The following SHISA9 variants were observed in gnomAD, a reference collection of about 807,000 sequenced individuals.
SHISA9 encodes shisa family member 9.
Under a neutral mutation model 38.0 loss-of-function variants are expected in SHISA9, and 13 were observed. The ratio of observed to expected loss-of-function variants is 0.34; its 90% CI spans 0.22 to 0.54. The LOEUF (loss-of-function observed/expected upper bound fraction) is 0.54. SHISA9 is among the 20% of genes least tolerant of loss of function. The pLI is 0.91. For synonymous variants in SHISA9, 275 were observed against 242.0 expected, an observed-to-expected ratio of 1.14 and a Z score of -1.27; for missense variants, 538 against 575.8, an observed-to-expected ratio of 0.93 and a Z score of 0.67.
At chr16:13,392,978 G>T in the SHISA9 span, among the ~76,000 whole-genome samples, 1 of 152,190 alleles carries the variant, frequency 6.6e-6, no homozygotes, top group Non-Finnish European at 1.5e-5. Context: ...AGCGAAACAG[G>T]TCGTGGTACC....
intron 2 of SHISA9, among the ~76,000 whole-genome samples, chr16:13,023,980 T>A (rs35040878): frequency 1.1e-4 from 16 of 152,154 alleles, no homozygotes; most frequent in African/African-American, 3.9e-4. Flanking sequence ...CACCTACAAC[T>A]CTGGGAACAG....
chr16:13,178,472 C>A (rs920748218), intron 2 of SHISA9, among the ~76,000 whole-genome samples: 1 of 152,148 alleles, frequency 6.6e-6, no homozygotes, highest in Admixed American at 6.5e-5. Flanking sequence ...AATCACTCTC[C>A]AAGCTCCCGA....
rs148132457 is a variant in SHISA9, at chr16:13,157,594, G to A, written c.692-45800G>A. 2.0e-5 allele frequency among the ~76,000 whole-genome samples: 3 copies of A among 152,346 alleles called. No homozygotes were observed. In the East Asian group the frequency reaches 5.8e-4, roughly 29 times the overall value. ...GGATGTGGTACATATTCAGTGTTAT[G>A]TGTTGTGACTAAAATTGCTATTGCT... On this transcript the variant is annotated intron_variant, in intron 2 of 4. Transcript: ENST00000558583.
At chr16:13,320,348 G>A in the SHISA9 span, among the ~76,000 whole-genome samples, 4 of 148,688 alleles carry the variant, frequency 2.7e-5, no homozygotes, top group Admixed American at 2.0e-4. Context: ...AGGCTCAGAG[G>A]TCAAGCAACC....
the SHISA9 span, among the ~76,000 whole-genome samples, chr16:13,414,900 T>C: frequency 6.6e-6 from 1 of 152,202 alleles, no homozygotes; most frequent in Admixed American, 6.5e-5. Flanking sequence ...CCCAAAGTGC[T>C]GGGATTACAG....
chr16:12,908,736 G>T, intron 1 of SHISA9: 1 of 1,439,176 alleles, frequency 6.9e-7, no homozygotes, highest in Admixed American at 2.7e-5. Flanking sequence ...ATGAAGTCTA[G>T]GAATGCTTTC....
downstream of SHISA9, among the ~76,000 whole-genome samples, chr16:13,244,111 G>A (rs1256857013): frequency 6.6e-6 from 1 of 152,042 alleles, no homozygotes; most frequent in Non-Finnish European, 1.5e-5. Context: ...TATTCTTAAT[G>A]TTCTTAGGCC....
chr16:13,473,092 C>G, the SHISA9 span, among the ~76,000 whole-genome samples: 2,309 of 152,170 alleles, frequency 0.015, 69 homozygotes, highest in African/African-American at 0.052. Flanking sequence ...TTCTGACTAA[C>G]TTTCTGTCTC....
the SHISA9 span, among the ~76,000 whole-genome samples, chr16:13,560,175 A>G: frequency 1.3e-5 from 2 of 152,202 alleles, no homozygotes; most frequent in Admixed American, 1.3e-4. Context: ...GGTTTCTCTC[A>G]CTAGCAAACT....
At chr16:13,291,341 G>A in the SHISA9 span, among the ~76,000 whole-genome samples, 1 of 152,126 alleles carries the variant, frequency 6.6e-6, no homozygotes, top group African/African-American at 2.4e-5. Flanking sequence ...GATAAGACTA[G>A]TGACAAAGTT....
the SHISA9 span, among the ~76,000 whole-genome samples, chr16:13,427,387 T>C: frequency 6.6e-6 from 1 of 152,208 alleles, no homozygotes; most frequent in Admixed American, 6.5e-5. Context: ...ACCCTCTCTG[T>C]TACAGATGGA....
At chr16:13,418,674 C>T in the SHISA9 span, among the ~76,000 whole-genome samples, 1 of 152,190 alleles carries the variant, frequency 6.6e-6, no homozygotes, top group Non-Finnish European at 1.5e-5. Context: ...TTCTGTGGCC[C>T]AGATGGCAAA....
intron 2 of SHISA9, among the ~76,000 whole-genome samples, chr16:13,066,927 T>C (rs2073441559): frequency 6.6e-6 from 1 of 152,206 alleles, no homozygotes; most frequent in South Asian, 2.1e-4. Flanking sequence ...AAATGTCTGC[T>C]TTTAGGTCAC....
At chr16:13,204,248 C>G in intron 3 of SHISA9, among the ~76,000 whole-genome samples, 1 of 151,684 alleles carries the variant, frequency 6.6e-6, no homozygotes, top group Non-Finnish European at 1.5e-5. Context: ...ATCTATCTAT[C>G]TACCCATCTT....
intron 2 of SHISA9, among the ~76,000 whole-genome samples, chr16:13,133,829 G>A: frequency 6.6e-6 from 1 of 152,160 alleles, no homozygotes; most frequent in East Asian, 1.9e-4. Context: ...ACCATTCAGT[G>A]TTAAATCAAA....
chr16:13,299,621 G>A, the SHISA9 span, among the ~76,000 whole-genome samples: 486 of 152,098 alleles, frequency 3.2e-3, no homozygotes, highest in Middle Eastern at 0.014. Flanking sequence ...GGCTGAGGCA[G>A]GAGAATTGCT....
At chr16:13,460,247 C>T in the SHISA9 span, among the ~76,000 whole-genome samples, 6 of 152,144 alleles carry the variant, frequency 3.9e-5, no homozygotes, top group African/African-American at 1.4e-4. Context: ...AGAACACACA[C>T]ATGCAACCTC....
the SHISA9 span, among the ~76,000 whole-genome samples, chr16:13,246,999 TATA>T: frequency 2.0e-5 from 3 of 149,160 alleles, no homozygotes; most frequent in African/African-American, 7.3e-5. Flanking sequence ...ATATTTTAAA[TATA>T]ATAATATAAT....
chr16:13,412,978 T>G, the SHISA9 span, among the ~76,000 whole-genome samples: 103 of 151,184 alleles, frequency 6.8e-4, no homozygotes, highest in Middle Eastern at 3.4e-3. Context: ...AATAAATAAA[T>G]AAAGGAATGA....
Sources: gnomAD v4.1 joint callset for allele counts (sites outside exome capture counted in the v4.1 genomes callset) on GRCh38, gnomAD v4.1.1 for gene constraint, MANE v1.5 for transcripts, NCBI Gene and HGNC (gene_info 2026-07-23, HGNC 2026-07-21) for gene names.